ASH2L: variants seen among roughly 807,000 people sequenced by gnomAD.
The protein encoded by ASH2L is ASH2 like, histone lysine methyltransferase complex subunit.
ASH2L carries 30 observed loss-of-function variants against 81.1 expected under a neutral mutation model. That is an observed-to-expected ratio of 0.37 (90% CI 0.28 to 0.50). ASH2L has a LOEUF of 0.50. ASH2L is among the 20% of genes least tolerant of loss of function. The pLI is 0.95. For missense variants in ASH2L, 559 were observed against 792.1 expected (o/e 0.71, Z 3.53); for synonymous variants, 273 against 279.9 (o/e 0.98, Z 0.24).
intron 12 of ASH2L, among the ~76,000 whole-genome samples, chr8:38,132,178 T>C (rs539544520): frequency 6.6e-6 from 1 of 152,234 alleles, no homozygotes. Flanking sequence ...GAAGACAATA[T>C]ATGCCTAGAT....
chr8:38,105,538 A>AG lies in ASH2L; in HGVS notation c.-9dup. The AG allele has an allele frequency of 1.9e-6, 3 of 1,552,164 alleles. No individual in the cohort carries two copies. Among genetic ancestry groups the AG allele is most frequent in the Non-Finnish European group, 2.6e-6 (3 of 1,147,574 alleles). On this transcript the variant is annotated 5_prime_UTR_variant, in exon 1 of 16. Coordinates refer to ENST00000343823, the MANE Select transcript of ASH2L (RefSeq NM_004674.5). ...AAGAGAGTATTCTCGCGAGAAGTCC[A>AG]GGGGTGGCCGTGATGGCGGCGGCAG...
intron 10 of ASH2L, chr8:38,122,467 C>T (rs904996905): frequency 6.6e-6 from 1 of 151,866 alleles, no homozygotes; most frequent in Non-Finnish European, 1.5e-5. Flanking sequence ...ATTTGTGAAG[C>T]GTTCCTTATT....
intron 13 of ASH2L, among the ~76,000 whole-genome samples, chr8:38,135,052 T>TAA (rs779445510): frequency 6.9e-6 from 1 of 145,316 alleles, no homozygotes; most frequent in African/African-American, 2.5e-5. Context: ...CAGCTTACTT[T>TAA]AAAAAAAAAA....
At chr8:38,108,524 A>AAG (rs1227476716) in intron 3 of ASH2L, among the ~76,000 whole-genome samples, 1 of 151,502 alleles carries the variant, frequency 6.6e-6, no homozygotes, top group Non-Finnish European at 1.5e-5. Context: ...AGTTAAAAAA[A>AAG]AAAAAAGGTG....
rs746397207 is a variant in ASH2L at position 38,133,596 on chromosome 8, G to A, written c.1620+50G>A. 6 of 1,368,692 alleles carry A rather than the reference G, an allele frequency of 4.4e-6. No individual in the cohort carries two copies. In the East Asian group the frequency reaches 6.9e-5, roughly 16 times the overall value. The allele number at this position is 1,368,692 out of a possible 1,614,324, so 84.8% of individuals were successfully genotyped here. On this transcript the variant is annotated intron_variant, in intron 13 of 15. Transcript: ENST00000343823. ...AGAATCATAAGGCCTTGAGCGTTAG[G>A]ACCCATTCCTTCATTATAAAAGTGA...
At chr8:38,136,996 C>T (rs567364270) in intron 14 of ASH2L, among the ~76,000 whole-genome samples, 108 of 150,616 alleles carry the variant, frequency 7.2e-4, no homozygotes, top group African/African-American at 2.4e-3. Flanking sequence ...GGGAGGCTGA[C>T]GCAGGAGAAT....
chr8:38,107,914 A>G (rs28683034), intron 3 of ASH2L, among the ~76,000 whole-genome samples: 3 of 150,250 alleles, frequency 2.0e-5, no homozygotes, highest in African/African-American at 7.4e-5. Context: ...GTATATGTAT[A>G]TATATATACA....
intron 14 of ASH2L, among the ~76,000 whole-genome samples, chr8:38,137,027 A>C (rs549610664): frequency 1.3e-5 from 2 of 149,544 alleles, no homozygotes; most frequent in African/African-American, 4.9e-5. Context: ...CGGGAGATGG[A>C]GGCTGCAGTG....
chr8:38,119,513 C>A, intron 9 of ASH2L, 150 bp downstream of exon 9: 1 of 647,424 alleles, frequency 1.5e-6, no homozygotes, highest in South Asian at 2.3e-5. Flanking sequence ...ACAAAATAAC[C>A]CCAGGTTGGA....
chr8:38,120,923 T>G lies in ASH2L; in HGVS notation c.948-9T>G, dbSNP rs1811117879. On this transcript the variant is annotated splice_polypyrimidine_tract_variant and intron_variant, in intron 9 of 15. Transcript: ENST00000343823. ...TTAGTTTTTTGATGTTATTTTTTCC[T>G]TTCTGCAGTGACCCTTTGTTTTCTG... The G allele has an allele frequency of 6.2e-7, 1 of 1,612,272 alleles. No individual in the cohort carries two copies. The highest frequency in any genetic ancestry group is 1.3e-5 in the African/African-American group (1 of 74,778).
rs778670266 is a variant in ASH2L, at chr8:38,105,623, A to G, written c.73A>G (p.Thr25Ala). The change falls in exon 1 of 16, where the codon ACA becomes GCA. Residue 25 changes from threonine to alanine, a missense_variant. Transcript: ENST00000343823. ...GPGPGAVANA[T>A]GAEEGEMKPV... ...TGGCCCAGGAGCGGTCGCAAATGCA[A>G]CAGGGGCAGAAGAGGGGGAGATGAA... is the stretch of plus-strand genomic sequence containing the variant. 1.9e-6 allele frequency: 3 copies of G among 1,606,256 alleles called. No homozygotes were observed. The highest frequency in any genetic ancestry group is 1.3e-5 in the African/African-American group (1 of 74,348).
chr8:38,135,606 G>A lies in ASH2L; in HGVS notation c.1621-62G>A. On this transcript the variant is annotated intron_variant, in intron 13 of 15. Coordinates refer to ENST00000343823, the MANE Select transcript of ASH2L (RefSeq NM_004674.5). Reference sequence around the variant, plus strand: ...AGCACTTCTAACATATTTTCCTAGAGAGTTCTTTTTTTGTTTGTTCTTTTT... The same window carrying A: ...AGCACTTCTAACATATTTTCCTAGAAAGTTCTTTTTTTGTTTGTTCTTTTT... 3 of 1,237,904 alleles carry A rather than the reference G, an allele frequency of 2.4e-6. No individual in the cohort carries two copies. The Admixed American group carries it at 5.9e-5, about 24-fold the overall frequency. 76.7% of individuals were successfully genotyped at this position (1,237,904 alleles called of 1,614,324 possible).
rs1811138765 is a variant in ASH2L, at chr8:38,121,338, TATATATATATATATATATA to T, written c.1165+190_1165+208del. ...ATAAGCTCCAGCCGTTTTATTTATA[TATATATATATATATATATA>T]TATATATATATATATATATATGGTT... On this transcript the variant is annotated intron_variant, in intron 10 of 15. Transcript: ENST00000343823. Among the ~76,000 whole-genome samples, 578 of 112,922 alleles carry T rather than the reference TATATATATATATATATATA, an allele frequency of 5.1e-3. 7 individuals carry two copies. The highest frequency in any genetic ancestry group is 7.1e-3 in the African/African-American group (211 of 29,600). 74.1% of individuals were successfully genotyped at this position (112,922 alleles called of 152,430 possible).
At chr8:38,123,088 T>TC (rs1259802163) in intron 10 of ASH2L, among the ~76,000 whole-genome samples, 1 of 143,774 alleles carries the variant, frequency 7.0e-6, no homozygotes, top group African/African-American at 2.6e-5. Context: ...ATTTCTTTTT[T>TC]TTTTTTTTTT....
At position 38,110,479 on chromosome 8, in the gene ASH2L, C is replaced by T. The variant is rs1427931242; in HGVS notation, c.490+12C>T. The T allele has an allele frequency of 6.9e-6, 11 of 1,603,124 alleles. No homozygotes were observed. Among genetic ancestry groups the T allele is most frequent in the Non-Finnish European group, 9.4e-6 (11 of 1,170,156 alleles). On this transcript the variant is annotated intron_variant, in intron 4 of 15. Coordinates refer to ENST00000343823, the MANE Select transcript of ASH2L (RefSeq NM_004674.5). ...CCGGAAGCAAGCAAGTAAGAACAAACTCTGGAGTATTTGAAGATGATTATC... is the reference window on the plus strand; with the variant it reads ...CCGGAAGCAAGCAAGTAAGAACAAATTCTGGAGTATTTGAAGATGATTATC...
rs1283623425 is a variant in ASH2L, at chr8:38,106,568, C to T, written c.255+124C>T. 17 of 779,772 alleles carry T rather than the reference C, an allele frequency of 2.2e-5. No homozygotes were observed. In the East Asian group the frequency reaches 4.2e-4, roughly 19 times the overall value. The allele number at this position is 779,772 out of a possible 1,614,324, so 48.3% of individuals were successfully genotyped here. A position where few individuals can be genotyped will look rare whatever the true frequency, so the allele number is the denominator to read the frequency against. On this transcript the variant is annotated intron_variant, in intron 2 of 15. Coordinates refer to ENST00000343823, the MANE Select transcript of ASH2L (RefSeq NM_004674.5). ...TGTCGCCCAGGCTGGAATGCAGTGG[C>T]GCGATCTCGGCTCACTGCAACCTCC...
At chr8:38,108,583 G>T (rs1282237762) in intron 3 of ASH2L, among the ~76,000 whole-genome samples, 1 of 152,014 alleles carries the variant, frequency 6.6e-6, no homozygotes, top group Non-Finnish European at 1.5e-5. Flanking sequence ...ACTTTGGGAG[G>T]CCAAGGCAGG....
At chr8:38,136,582 CT>C (rs1225791018) in intron 14 of ASH2L, among the ~76,000 whole-genome samples, 4 of 151,680 alleles carry the variant, frequency 2.6e-5, no homozygotes, top group African/African-American at 9.7e-5. Flanking sequence ...CGAGACCAGC[CT>C]GGCCAACATG....
At chr8:38,128,143 G>T in intron 10 of ASH2L, 148 bp from the exon 11 acceptor site, 2 of 934,346 alleles carry the variant, frequency 2.1e-6, no homozygotes, top group Non-Finnish European at 1.6e-6. Context: ...CTTATGCTGA[G>T]ATTTTTAAAC....
Sources: gnomAD v4.1 joint callset for allele counts (sites outside exome capture counted in the v4.1 genomes callset) on GRCh38, gnomAD v4.1.1 for gene constraint, MANE v1.5 for transcripts, NCBI Gene and HGNC (gene_info 2026-07-23, HGNC 2026-07-21) for gene names.